The following RXRA variants were observed in gnomAD, a reference collection of about 807,000 sequenced individuals.
RXRA encodes retinoid X receptor alpha.
Under a neutral mutation model 44.5 loss-of-function variants are expected in RXRA, and 5 were observed. The ratio of observed to expected loss-of-function variants is 0.11; its 90% CI spans 0.06 to 0.24. The LOEUF (loss-of-function observed/expected upper bound fraction) is 0.24. Among genes scored for constraint, RXRA ranks in the 10% least tolerant of loss-of-function variants. The pLI is 1.00. For synonymous variants in RXRA, 291 were observed against 271.4 expected, an observed-to-expected ratio of 1.07 and a Z score of -0.71; for missense variants, 412 against 646.5, an observed-to-expected ratio of 0.64 and a Z score of 3.93.
At chr9:134,345,998 G>A (rs1205484749) in intron 1 of RXRA, among the ~76,000 whole-genome samples, 2 of 152,244 alleles carry the variant, frequency 1.3e-5, no homozygotes, top group African/African-American at 2.4e-5. Context: ...TGCGTCTTAC[G>A]GTGTTCATAT....
At chr9:134,423,026 G>T (rs1831374304) in intron 6 of RXRA, 2 of 985,380 alleles carry the variant, frequency 2.0e-6, no homozygotes, top group African/African-American at 1.7e-5. Flanking sequence ...CGGCCAGGAC[G>T]GTGGCTGGGA....
chr9:134,336,784 C>T (rs1554747367), intron 1 of RXRA, among the ~76,000 whole-genome samples: 2 of 152,236 alleles, frequency 1.3e-5, no homozygotes, highest in Non-Finnish European at 2.9e-5. Flanking sequence ...CTCCGCCCCT[C>T]AGGTTCAGAA....
At chr9:134,346,115 A>G (rs1366711003) in intron 1 of RXRA, among the ~76,000 whole-genome samples, 1 of 152,098 alleles carries the variant, frequency 6.6e-6, no homozygotes, top group African/African-American at 2.4e-5. Flanking sequence ...GGGGCCACGC[A>G]GGGTCCCTCG....
intron 1 of RXRA, among the ~76,000 whole-genome samples, chr9:134,339,421 A>C (rs1331146127): frequency 6.7e-6 from 1 of 149,220 alleles, no homozygotes; most frequent in Non-Finnish European, 1.5e-5. Context: ...TGTGTGTGAG[A>C]GTGTGTGGGT....
intron 5 of RXRA, among the ~76,000 whole-genome samples, chr9:134,419,479 G>A (rs1009480925): frequency 3.3e-5 from 5 of 152,246 alleles, no homozygotes; most frequent in Non-Finnish European, 5.9e-5. Context: ...CACACTGAAC[G>A]CTCCTCTGTG....
intron 1 of RXRA, among the ~76,000 whole-genome samples, chr9:134,351,301 G>A (rs879997871): frequency 2.0e-5 from 3 of 152,244 alleles, no homozygotes; most frequent in Non-Finnish European, 4.4e-5. Context: ...TCAGAGAAGG[G>A]GCAGTCGGGA....
At chr9:134,339,199 T>C (rs974394287) in intron 1 of RXRA, among the ~76,000 whole-genome samples, 5 of 152,172 alleles carry the variant, frequency 3.3e-5, no homozygotes, top group South Asian at 2.1e-4. Flanking sequence ...CCTGGAGAGC[T>C]CTTGGCAGAA....
chr9:134,379,685 C>T, intron 1 of RXRA: 1 of 985,388 alleles, frequency 1.0e-6, no homozygotes, highest in African/African-American at 1.7e-5. Flanking sequence ...AGGACAGCCC[C>T]AGTATGCGGA....
intron 1 of RXRA, among the ~76,000 whole-genome samples, chr9:134,334,047 G>T (rs1835047810): frequency 6.6e-6 from 1 of 152,272 alleles, no homozygotes; most frequent in South Asian, 2.1e-4. Context: ...CCGCTGGCAA[G>T]CCTGCTGGGT....
At position 134,380,016 on chromosome 9, in the gene RXRA, A is replaced by G. The variant is rs1449071276; in HGVS notation, c.29-21616A>G. 4 of 985,260 alleles carry G rather than the reference A, an allele frequency of 4.1e-6. No homozygotes were observed. The African/African-American group carries it at 5.2e-5, about 13-fold the overall frequency. The allele number at this position is 985,260 out of a possible 1,614,324, so 61.0% of individuals were successfully genotyped here. ...TCAGGATTAGGGACTGAAGCCCAGCAGGGGCTCCCTTTTCTGTGCCCCCTG... is the reference window on the plus strand; with the variant it reads ...TCAGGATTAGGGACTGAAGCCCAGCGGGGGCTCCCTTTTCTGTGCCCCCTG... On this transcript the variant is annotated intron_variant, in intron 1 of 9. Transcript: ENST00000481739.
chr9:134,364,998 T>C (rs1366684921), intron 1 of RXRA, among the ~76,000 whole-genome samples: 1 of 152,202 alleles, frequency 6.6e-6, no homozygotes, highest in Admixed American at 6.5e-5. Flanking sequence ...AGGAGGCTGA[T>C]GCTAGAGAGG....
intron 4 of RXRA, among the ~76,000 whole-genome samples, chr9:134,416,243 G>T (rs1027763963): frequency 6.6e-6 from 1 of 152,224 alleles, no homozygotes; most frequent in Non-Finnish European, 1.5e-5. Flanking sequence ...GGCAAATCCA[G>T]GTGGAGGTAA....
intron 1 of RXRA, among the ~76,000 whole-genome samples, chr9:134,394,220 GATCATA>G (rs1830843739): frequency 2.3e-5 from 1 of 43,784 alleles, no homozygotes; most frequent in Non-Finnish European, 7.3e-5. Context: ...GAGTGATGGT[GATCATA>G]GTGATGGTGG....
intron 6 of RXRA, chr9:134,424,202 T>C (rs570596097): frequency 5.3e-5 from 52 of 985,400 alleles, no homozygotes; most frequent in South Asian, 9.4e-5. Flanking sequence ...GTGGTCTCCC[T>C]GCAGCTGTCA....
intron 1 of RXRA, among the ~76,000 whole-genome samples, chr9:134,369,672 A>G (rs758548912): frequency 2.6e-5 from 4 of 151,888 alleles, no homozygotes; most frequent in Non-Finnish European, 4.4e-5. Flanking sequence ...CATGGGAGTC[A>G]TGGGCCTGGG....
In RXRA at chr9:134,440,336, C is replaced by A. The variant is rs1831712678; in HGVS notation, c.*3722C>A. 6.6e-6 allele frequency: 1 copy of A among 152,324 alleles called. No homozygotes were observed. The highest frequency in any genetic ancestry group is 2.4e-5 in the African/African-American group (1 of 41,394). The allele number at this position is 152,324 out of a possible 1,614,324, so 9.4% of individuals were successfully genotyped here. ...GGCAGGAGGGTGGGCCTGAGGCTTT[C>A]AAGGGTTTTCTTCCCTTTCGAGTAA... On this transcript the variant is annotated 3_prime_UTR_variant, in exon 10 of 10. Transcript: ENST00000481739.
intron 1 of RXRA, among the ~76,000 whole-genome samples, chr9:134,377,824 C>A (rs1830581324): frequency 6.6e-6 from 1 of 152,238 alleles, no homozygotes; most frequent in African/African-American, 2.4e-5. Context: ...AGCCATCTCG[C>A]TGCCCCCCTC....
At chr9:134,373,035 G>A (rs1588270878) in intron 1 of RXRA, among the ~76,000 whole-genome samples, 1 of 152,218 alleles carries the variant, frequency 6.6e-6, no homozygotes, top group Non-Finnish European at 1.5e-5. Flanking sequence ...TGTGGCGTCT[G>A]CCCCGGGTTC....
chr9:134,376,174 T>G (rs963539117), intron 1 of RXRA, among the ~76,000 whole-genome samples: 1 of 152,190 alleles, frequency 6.6e-6, no homozygotes, highest in Non-Finnish European at 1.5e-5. Flanking sequence ...AGGCGGCCCC[T>G]CTGCAGGCGC....
Sources: allele counts gnomAD v4.1 joint callset (sites outside exome capture counted in the v4.1 genomes callset), GRCh38; gene constraint gnomAD v4.1.1; transcripts MANE v1.5; gene names NCBI Gene and HGNC (gene_info 2026-07-23, HGNC 2026-07-21).